The following FRY variants were observed in gnomAD, a reference collection of about 807,000 sequenced individuals.
FRY encodes the protein protein furry homolog.
Under a neutral mutation model 348.4 loss-of-function variants are expected in FRY, and 128 were observed. The observed-to-expected ratio is 0.37, with a 90% CI of 0.32 to 0.43. FRY has a LOEUF of 0.43. FRY is among the 20% of genes least tolerant of loss of function. The pLI is 1.00. For missense variants in FRY, 2,736 were observed against 3,695.2 expected, an observed-to-expected ratio of 0.74 and a Z score of 6.73; for synonymous variants, 1,370 against 1,374.7, an observed-to-expected ratio of 1.00 and a Z score of 0.08.
chr13:32,209,796 G>A, intron 33 of FRY, 65 bp downstream of exon 33: 2 of 1,472,706 alleles, frequency 1.4e-6, no homozygotes, highest in Admixed American at 3.3e-5. Context: ...CAATTTGCAA[G>A]TCAGAATGTG....
rs1382137321 is a variant in FRY at position 32,247,404 on chromosome 13, C to T, written c.6910C>T (p.His2304Tyr). ...CAGCCTTGTTTTACCTTCATACCAGCACAGTGACCTCTCAAAAATAGAAAT... is the reference window on the plus strand; with the variant it reads ...CAGCCTTGTTTTACCTTCATACCAGTACAGTGACCTCTCAAAAATAGAAAT... Reference protein sequence around the residue: ...SASLVLPSYQHSDLSKIEIHR... With the variant: ...SASLVLPSYQYSDLSKIEIHR... Residue 2304 changes from histidine (H) to tyrosine (Y), a missense_variant, in exon 48 of 61, where the codon CAC becomes TAC. Coordinates refer to ENST00000542859, the MANE Select transcript of FRY (RefSeq NM_023037.3). The T allele has an allele frequency of 6.2e-7, 1 of 1,612,698 alleles. No homozygotes were observed. The highest frequency in any genetic ancestry group is 8.5e-7 in the Non-Finnish European group (1 of 1,178,806).
At chr13:32,275,337 G>A (rs541224801) in intron 56 of FRY, among the ~76,000 whole-genome samples, 20 of 151,636 alleles carry the variant, frequency 1.3e-4, no homozygotes, top group South Asian at 6.3e-4. Context: ...GCAGTGAGCC[G>A]AGATCACACC....
At chr13:32,082,348 T>A (rs1272850815) in intron 2 of FRY, among the ~76,000 whole-genome samples, 1 of 152,152 alleles carries the variant, frequency 6.6e-6, no homozygotes, top group Non-Finnish European at 1.5e-5. Flanking sequence ...TCAGGTCATA[T>A]TCATGAATAT....
intron 1 of FRY, among the ~76,000 whole-genome samples, chr13:32,064,413 T>G (rs1216815787): frequency 1.3e-5 from 2 of 150,704 alleles, no homozygotes; most frequent in East Asian, 3.9e-4. Context: ...ATGTCCCCCC[T>G]GCATCTCTCC....
intron 37 of FRY, 90 bp downstream of exon 37, chr13:32,224,475 A>G: frequency 2.6e-6 from 3 of 1,161,358 alleles, no homozygotes; most frequent in Non-Finnish European, 3.7e-6. Context: ...AGGTCCCACC[A>G]CATTAAATTA....
chr13:32,152,149 C>T (rs1369381582), intron 14 of FRY, among the ~76,000 whole-genome samples: 2 of 152,110 alleles, frequency 1.3e-5, no homozygotes, highest in Admixed American at 6.5e-5. Flanking sequence ...TTGAATGACT[C>T]GCTGTTAACA....
chr13:32,218,257 A>G (rs1005610942), intron 35 of FRY, among the ~76,000 whole-genome samples: 1 of 152,236 alleles, frequency 6.6e-6, no homozygotes, highest in South Asian at 2.1e-4. Context: ...TATGAGCAAG[A>G]GTGACCACTG....
rs763538673 is a variant in FRY, at chr13:32,231,163, G to A, written c.5406-16G>A. ...ATGACAGTTATATTTTTGACATTTT[G>A]TGTGTTTTGTTTAAGGGCATTTGGT... On this transcript the variant is annotated splice_polypyrimidine_tract_variant and intron_variant, in intron 40 of 60. Coordinates refer to ENST00000542859, the MANE Select transcript of FRY (RefSeq NM_023037.3). The A allele has an allele frequency of 4.3e-6, 7 of 1,611,918 alleles. No individual in the cohort carries two copies. Among genetic ancestry groups the A allele is most frequent in the Non-Finnish European group, 5.9e-6 (7 of 1,178,182 alleles).
intron 24 of FRY, among the ~76,000 whole-genome samples, chr13:32,183,760 AGCAAGAC>A (rs758781554): frequency 1.1e-3 from 128 of 118,416 alleles, no homozygotes; most frequent in Non-Finnish European, 1.9e-3. Flanking sequence ...TGGGTGACAG[AGCAAGAC>A]TCTGTCTCCA....
At chr13:32,285,333 T>C (rs993103502) in intron 58 of FRY, among the ~76,000 whole-genome samples, 10 of 152,134 alleles carry the variant, frequency 6.6e-5, no homozygotes, top group Non-Finnish European at 1.3e-4. Flanking sequence ...AAATGCAAAC[T>C]AGGTCCCAGC....
Position 32,124,611 on chromosome 13 carries a change from C to T in FRY, c.565C>T (p.His189Tyr), listed in dbSNP as rs755977980. Residue 189 changes from histidine (H) to tyrosine (Y), a missense_variant, in exon 6 of 61, where the codon CAT (histidine) becomes TAT (tyrosine). Around this residue, in one of 9 missense-constraint regions of FRY, gnomAD observed 309 missense variants for 418.1 expected, o/e 0.74. Transcript: ENST00000542859. Reference protein sequence around the residue: ...LIEVLKQIPLHPVIDSLIHDV... With the variant: ...LIEVLKQIPLYPVIDSLIHDV... ...CACCTTTTTTTTTCAGATTCCACTT[C>T]ATCCTGTAATAGACAGTTTAATACA... The T allele has an allele frequency of 6.3e-7, 1 of 1,585,886 alleles. No homozygotes were observed. The highest frequency in any genetic ancestry group is 2.2e-5 in the East Asian group (1 of 44,738).
At chr13:32,123,965 G>T (rs1380866107) in intron 4 of FRY, among the ~76,000 whole-genome samples, 3 of 152,108 alleles carry the variant, frequency 2.0e-5, no homozygotes, top group Non-Finnish European at 4.4e-5. Flanking sequence ...CTCTCAAGTA[G>T]CTGGGATTAC....
intron 1 of FRY, chr13:32,038,574 C>G (rs1593551096): frequency 6.6e-6 from 1 of 152,162 alleles, no homozygotes; most frequent in Non-Finnish European, 1.5e-5. Context: ...ATACTAATGT[C>G]TTTCATTTGA....
intron 28 of FRY, among the ~76,000 whole-genome samples, chr13:32,188,925 G>T (rs753683518): frequency 6.6e-6 from 1 of 152,102 alleles, no homozygotes; most frequent in Non-Finnish European, 1.5e-5. Context: ...TGTATAAGCT[G>T]AACAGATTGA....
chr13:32,131,757 A>G lies in FRY; in HGVS notation c.802A>G (p.Ile268Val), dbSNP rs1879381141. Residue 268 changes from isoleucine (I) to valine (V), a missense_variant, in exon 8 of 61, where the codon ATC becomes GTC. Ile to Val is a conservative substitution (Grantham distance 29). Transcript: ENST00000542859. Reference protein sequence around the residue: ...EQNPYVVQSIISLIMGMKFFR... With the variant: ...EQNPYVVQSIVSLIMGMKFFR... ...GAACCCATATGTGGTTCAAAGCATT[A>G]TCAGCTTAATAATGGGCATGAAATT... 3 of 1,613,350 alleles carry G rather than the reference A, an allele frequency of 1.9e-6. No individual in the cohort carries two copies. Among genetic ancestry groups the G allele is most frequent in the South Asian group, 1.1e-5 (1 of 91,082 alleles).
rs35912297 is a variant in FRY at position 32,194,286 on chromosome 13, G to A, written c.3735G>A (p.Val1245=). 1.6e-3 allele frequency: 2,539 copies of A among 1,614,166 alleles called. 40 individuals carry two copies. In the African/African-American group the frequency reaches 0.03, roughly 19 times the overall value. Residue 1245 remains valine, a synonymous_variant, in exon 29 of 61, where the codon GTG becomes GTA. Coordinates refer to ENST00000542859, the MANE Select transcript of FRY (RefSeq NM_023037.3). The part of the protein sequence containing the change: ...ASGCFKAIAT[V]CGSRNYPFDI... ...GCTGCTTCAAAGCCATAGCAACTGT[G>A]TGTGGAAGCAGGTACGAATTTTTAT...
In FRY at chr13:32,289,260, T is replaced by C. The variant is rs181246881; in HGVS notation, c.8470-373T>C. On this transcript the variant is annotated intron_variant, in intron 58 of 60. Transcript: ENST00000542859. ...TACTTAATGTTTTGCCTTTCAAATA[T>C]ACTTTTAATAAAAGGAAATTTTTCT... Among the ~76,000 whole-genome samples the C allele has an allele frequency of 1.1e-3, 175 of 152,326 alleles. 1 individual carries two copies. The highest frequency in any genetic ancestry group is 2.9e-3 in the South Asian group (14 of 4,828).
At chr13:32,199,370 A>G (rs184683732) in intron 29 of FRY, among the ~76,000 whole-genome samples, 3 of 152,342 alleles carry the variant, frequency 2.0e-5, no homozygotes, top group Admixed American at 2.0e-4. Context: ...TGTGGCAGCT[A>G]TTAGGAAGAC....
chr13:32,275,829 T>C (rs1342787072), intron 56 of FRY, among the ~76,000 whole-genome samples: 1 of 151,974 alleles, frequency 6.6e-6, no homozygotes, highest in Non-Finnish European at 1.5e-5. Flanking sequence ...CATGGAACTC[T>C]AACCATGCGA....
Sources: allele counts gnomAD v4.1 joint callset (sites outside exome capture counted in the v4.1 genomes callset), GRCh38; gene constraint gnomAD v4.1.1; regional missense constraint gnomAD v4.1.1; transcripts MANE v1.5; gene names NCBI Gene and HGNC (gene_info 2026-07-23, HGNC 2026-07-21).